The following SPATA13 variants were observed in gnomAD, a reference collection of about 807,000 sequenced individuals.
SPATA13 encodes the protein spermatogenesis-associated protein 13.
SPATA13 carries 50 observed loss-of-function variants against 104.0 expected under a neutral mutation model. That is an observed-to-expected ratio of 0.48 (90% confidence interval 0.38 to 0.61). The LOEUF is 0.61. Among genes scored for constraint, SPATA13 ranks in the 20% least tolerant of loss-of-function variants. The pLI is 0.00. For synonymous variants in SPATA13, 606 were observed against 667.5 expected (o/e 0.91, Z 1.42); for missense variants, 1,524 against 1,690.6 (o/e 0.90, Z 1.73).
intron 3 of SPATA13, 49 bp downstream of exon 3, chr13:24,249,891 C>T (rs777152353): frequency 1.3e-6 from 2 of 1,536,558 alleles, no homozygotes; most frequent in Non-Finnish European, 1.7e-6. Flanking sequence ...CCTCCAGCTT[C>T]CTGCCTCTAT....
intron 3 of SPATA13, among the ~76,000 whole-genome samples, chr13:24,084,513 G>A (rs939041595): frequency 2.1e-5 from 3 of 141,686 alleles, no homozygotes; most frequent in African/African-American, 7.9e-5. Flanking sequence ...CTTTCAAAAT[G>A]TCAGGGAAAC....
intron 3 of SPATA13, among the ~76,000 whole-genome samples, chr13:24,080,157 G>A (rs947173272): frequency 6.6e-6 from 1 of 152,174 alleles, no homozygotes; most frequent in African/African-American, 2.4e-5. Context: ...AAATCTCAAA[G>A]CCTTTTAACC....
At chr13:24,251,278 A>G (rs115385620) in intron 3 of SPATA13, among the ~76,000 whole-genome samples, 1,707 of 152,254 alleles carry the variant, frequency 0.011, 36 homozygotes, top group African/African-American at 0.039. Context: ...AATGAGGCTG[A>G]AGAAGGATGT....
At chr13:24,058,054 G>C (rs909872694) in intron 3 of SPATA13, among the ~76,000 whole-genome samples, 2 of 151,852 alleles carry the variant, frequency 1.3e-5, no homozygotes, top group Non-Finnish European at 2.9e-5. Flanking sequence ...CGCAAGATGA[G>C]CTCCCATCTG....
Position 24,224,342 on chromosome 13 carries a change from CCAGAGCCCT to C in SPATA13, c.1422_1430del (p.Gln478_Pro480del), listed in dbSNP as rs1394661672. 1.3e-6 allele frequency: 2 copies of C among 1,551,702 alleles called. No homozygotes were observed. The highest frequency in any genetic ancestry group is 8.7e-7 in the Non-Finnish European group (1 of 1,146,998). ...CTCTAAGGCCCACCACACCCAAGCC[CCAGAGCCCT>C]CAGAGCCCCCAGAGCCCCGGGGCAG... On this transcript the variant is annotated inframe_deletion, in exon 2 of 13. Coordinates refer to ENST00000382108, the MANE Select transcript of SPATA13 (RefSeq NM_001166271.3).
intron 3 of SPATA13, among the ~76,000 whole-genome samples, chr13:24,028,907 CCT>C (rs1181649736): frequency 6.6e-6 from 1 of 151,830 alleles, no homozygotes; most frequent in Non-Finnish European, 1.5e-5. Flanking sequence ...TTCAATTTCC[CCT>C]GTTTTTTTAA....
rs146348823 is a variant in SPATA13 at position 24,111,983 on chromosome 13, G to A, written c.-112+94282G>A. On this transcript the variant is annotated intron_variant, in intron 3 of 14. Transcript: ENST00000424834. ...TTCTCATTCTTATATTCTCTAGATC[G>A]TTTTGAATTGGATAAAGACTCTTGT... 2.5e-3 allele frequency among the ~76,000 whole-genome samples: 377 copies of A among 152,256 alleles called. 2 individuals are homozygous for A. The highest frequency in any genetic ancestry group is 4.1e-3 in the Non-Finnish European group (279 of 68,018).
chr13:24,279,484 A>G (rs1463417458), intron 4 of SPATA13, among the ~76,000 whole-genome samples: 1 of 152,144 alleles, frequency 6.6e-6, no homozygotes, highest in Non-Finnish European at 1.5e-5. Context: ...CAGGGAGACC[A>G]GGAGGGGCTG....
intron 1 of SPATA13, 55 bp from the exon 2 acceptor site, chr13:24,222,762 GCA>G: frequency 1.4e-6 from 2 of 1,432,286 alleles, no homozygotes; most frequent in Non-Finnish European, 1.9e-6. Flanking sequence ...TCTTCTGTGA[GCA>G]GAGGGGCTAC....
chr13:24,278,988 C>G (rs55913786), intron 4 of SPATA13, among the ~76,000 whole-genome samples: 1 of 87,318 alleles, frequency 1.1e-5, no homozygotes, highest in African/African-American at 3.7e-5. Context: ...CTCCCTCCCT[C>G]CCTCCCTTCC....
At chr13:24,139,486 G>A (rs1021803172) in intron 3 of SPATA13, among the ~76,000 whole-genome samples, 1 of 152,190 alleles carries the variant, frequency 6.6e-6, no homozygotes, top group Non-Finnish European at 1.5e-5. Flanking sequence ...CAGGTGACTG[G>A]TACAATTGCA....
At position 24,051,004 on chromosome 13, in the gene SPATA13, G is replaced by GTGTAC. The variant is rs1199605445; in HGVS notation, c.-112+33307_-112+33311dup. Among the ~76,000 whole-genome samples, 3 of 152,210 alleles carry GTGTAC rather than the reference G, an allele frequency of 2.0e-5. No homozygotes were observed. Among genetic ancestry groups the GTGTAC allele is most frequent in the Non-Finnish European group, 4.4e-5 (3 of 68,044 alleles). The stretch of plus-strand genomic sequence containing the variant: ...GTTTTCCAGCTGTTTTTGCAGGTGA[G>GTGTAC]TGTACTGTGAGCTAAGCAGGCTATA... On this transcript the variant is annotated intron_variant, in intron 3 of 14. Coordinates refer to the SPATA13 transcript ENST00000424834. This position sits in a 1 kb window ranked among gnomAD's most constrained non-coding sequence, Gnocchi z 4.2.
intron 3 of SPATA13, among the ~76,000 whole-genome samples, chr13:24,021,649 G>A (rs564625392): frequency 1.8e-4 from 27 of 152,206 alleles, no homozygotes; most frequent in African/African-American, 5.8e-4. Flanking sequence ...GACTGTATAC[G>A]CCGTGCATTG....
Position 24,223,120 on chromosome 13 carries a change from A to T in SPATA13, c.191A>T (p.Glu64Val), listed in dbSNP as rs369038043. Residue 64 changes from glutamate to valine, a missense_variant, in exon 2 of 13, where the codon GAA becomes GTA. Glu to Val is a moderately radical substitution (Grantham distance 121, BLOSUM62 -2). Transcript: ENST00000382108. ...CSPGGDTDTQ[E>V]AKLSPAKLVR... The stretch of plus-strand genomic sequence containing the variant: ...CCTGGTGGCGACACGGACACCCAGG[A>T]AGCCAAACTCAGCCCAGCCAAGCTT... The T allele has an allele frequency of 7.7e-5, 119 of 1,551,602 alleles. No individual in the cohort carries two copies. The African/African-American group carries it at 1.3e-3, about 17-fold the overall frequency.
At chr13:24,110,386 T>C (rs767471326) in intron 3 of SPATA13, among the ~76,000 whole-genome samples, 23 of 152,134 alleles carry the variant, frequency 1.5e-4, no homozygotes, top group Non-Finnish European at 3.4e-4. Context: ...GGGAGGGGAC[T>C]GCATTTTAGG....
intron 4 of SPATA13, chr13:24,270,866 T>A (rs773112803): frequency 1.9e-6 from 3 of 1,612,818 alleles, no homozygotes; most frequent in Non-Finnish European, 2.5e-6. Context: ...GGATGGTAGC[T>A]AGAGGGGAGA....
intron 3 of SPATA13, among the ~76,000 whole-genome samples, chr13:24,096,150 T>A (rs1214288988): frequency 6.6e-6 from 1 of 152,172 alleles, no homozygotes; most frequent in East Asian, 1.9e-4. Flanking sequence ...ACCACCTGCC[T>A]GGTGCCTGAC....
intron 3 of SPATA13, among the ~76,000 whole-genome samples, chr13:24,019,234 G>C (rs1055019089): frequency 2.0e-5 from 3 of 150,170 alleles, no homozygotes; most frequent in African/African-American, 4.9e-5. Flanking sequence ...GACTACAGGC[G>C]CCCGCCACTA....
chr13:24,150,551 A>AT (rs550741459), intron 3 of SPATA13, among the ~76,000 whole-genome samples: 95 of 149,488 alleles, frequency 6.4e-4, no homozygotes, highest in Middle Eastern at 3.5e-3. Context: ...ATATTGATTG[A>AT]TTTTTTTTTT....
Sources: gnomAD v4.1 joint callset for allele counts (sites outside exome capture counted in the v4.1 genomes callset) on GRCh38, gnomAD v4.1.1 for gene constraint, Gnocchi (gnomAD v3.1) non-coding constraint, MANE v1.5 for transcripts, NCBI Gene and HGNC (gene_info 2026-07-23, HGNC 2026-07-21) for gene names.